The following ACMSD variants were observed in gnomAD, a reference collection of about 807,000 sequenced individuals.
ACMSD encodes the protein aminocarboxymuconate semialdehyde decarboxylase, also known as 2-amino-3-carboxymuconate-6-semialdehyde decarboxylase.
A neutral mutation model predicts 45.9 loss-of-function variants in ACMSD; 37 were observed. The observed-to-expected ratio is 0.81, with a 90% CI of 0.62 to 1.06. The LOEUF (loss-of-function observed/expected upper bound fraction) is 1.06, where lower values mean the gene tolerates loss of function less well. Among genes scored for constraint, ACMSD ranks in the 50% least tolerant of loss-of-function variants. ACMSD has a pLI of 0.00. For synonymous variants in ACMSD, 138 were observed against 148.8 expected, an observed-to-expected ratio of 0.93 and a Z score of 0.53; for missense variants, 434 against 420.9, an observed-to-expected ratio of 1.03 and a Z score of -0.27.
chr2:134,863,745 T>A, intron 5 of ACMSD, 114 bp downstream of exon 5: 1 of 1,043,020 alleles, frequency 9.6e-7, no homozygotes, highest in Non-Finnish European at 1.4e-6. Context: ...GGGAGAGCGG[T>A]GTCCACGACT....
intron 8 of ACMSD, among the ~76,000 whole-genome samples, chr2:134,897,195 C>T (rs936684070): frequency 6.6e-6 from 1 of 151,834 alleles, no homozygotes; most frequent in Non-Finnish European, 1.5e-5. Context: ...AGCCCTAGTC[C>T]TACTCCATGG....
At chr2:134,901,264 G>A (rs1408984855) in intron 9 of ACMSD, among the ~76,000 whole-genome samples, 2 of 152,104 alleles carry the variant, frequency 1.3e-5, no homozygotes, top group African/African-American at 4.8e-5. Flanking sequence ...TTTATAGCTG[G>A]GGAGTCCATT....
chr2:134,876,996 C>G (rs1688769578), intron 8 of ACMSD, among the ~76,000 whole-genome samples: 1 of 152,136 alleles, frequency 6.6e-6, no homozygotes, highest in Admixed American at 6.6e-5. Context: ...TGGTCTCAAA[C>G]TCCTGACTTC....
intron 2 of ACMSD, among the ~76,000 whole-genome samples, chr2:134,853,398 T>C (rs1420693279): frequency 3.3e-5 from 5 of 151,954 alleles, no homozygotes; most frequent in Non-Finnish European, 5.9e-5. Context: ...TGGATAGTAA[T>C]AGTTGCATGG....
At chr2:134,886,424 A>AT (rs1411048353) in intron 8 of ACMSD, among the ~76,000 whole-genome samples, 2 of 151,230 alleles carry the variant, frequency 1.3e-5, no homozygotes, top group Non-Finnish European at 2.9e-5. Flanking sequence ...AATTTTTTGT[A>AT]TTTTTAGTAG....
At chr2:134,870,570 G>A (rs145329670) in intron 6 of ACMSD, among the ~76,000 whole-genome samples, 124 of 152,270 alleles carry the variant, frequency 8.1e-4, no homozygotes, top group African/African-American at 2.8e-3. Flanking sequence ...CAACACAGAC[G>A]TCATCTTACA....
chr2:134,863,697 G>A, intron 5 of ACMSD, 66 bp downstream of exon 5: 1 of 1,541,632 alleles, frequency 6.5e-7, no homozygotes, highest in Non-Finnish European at 8.9e-7. Flanking sequence ...ACCGCTGGGT[G>A]CTGGCAGGGA....
At chr2:134,896,731 A>G (rs1255564038) in intron 8 of ACMSD, among the ~76,000 whole-genome samples, 1 of 152,212 alleles carries the variant, frequency 6.6e-6, no homozygotes, top group African/African-American at 2.4e-5. Flanking sequence ...CATGGTAGAA[A>G]ATAGTTTCTC....
intron 1 of ACMSD, among the ~76,000 whole-genome samples, chr2:134,841,404 C>T (rs1165588141): frequency 1.3e-5 from 2 of 151,954 alleles, no homozygotes; most frequent in African/African-American, 4.8e-5. Context: ...AATCAACACG[C>T]CTGAAGTGAT....
rs1213803670 is a variant in ACMSD at position 134,847,397 on chromosome 2, C to CAGATAGATAGATAGAT, written c.102+2158_102+2173dup. Among the ~76,000 whole-genome samples, 675 of 81,432 alleles carry CAGATAGATAGATAGAT rather than the reference C, an allele frequency of 8.3e-3. 4 individuals carry two copies. The highest frequency in any genetic ancestry group is 0.016 in the East Asian group (36 of 2,256). The allele number at this position is 81,432 out of a possible 152,430, so 53.4% of individuals were successfully genotyped here. A position where few individuals can be genotyped will look rare whatever the true frequency, so the allele number is the denominator to read the frequency against. On this transcript the variant is annotated intron_variant, in intron 2 of 9. Coordinates refer to ENST00000356140, the MANE Select transcript of ACMSD (RefSeq NM_138326.3). ...ACCACTAAAGAGTTTTTTGGGGATA[C>CAGATAGATAGATAGAT]AGATAGATAGATAGATAGATAGATA... is the stretch of plus-strand genomic sequence containing the variant.
Position 134,867,566 on chromosome 2 carries a change from T to A in ACMSD, c.487-13T>A. On this transcript the variant is annotated splice_polypyrimidine_tract_variant and intron_variant, in intron 5 of 9. Coordinates refer to ENST00000356140, the MANE Select transcript of ACMSD (RefSeq NM_138326.3). ...AAGTAACCCTCTCTCTCTCTCTCAT[T>A]GCTTCTTTGAAGGCAGCCGAAAGGC... 2 of 1,608,254 alleles carry A rather than the reference T, an allele frequency of 1.2e-6. No homozygotes were observed. Among genetic ancestry groups the A allele is most frequent in the Non-Finnish European group, 1.7e-6 (2 of 1,174,864 alleles).
In ACMSD at chr2:134,855,149, G is replaced by C. The variant is rs112237628; in HGVS notation, c.103-4112G>C. On this transcript the variant is annotated intron_variant, in intron 2 of 9. Transcript: ENST00000356140. ...TTATCAGTCAGGACTCTTGGTTGCA[G>C]GCAACAGAAACCAACAATCATTAGT... 9.5e-3 allele frequency among the ~76,000 whole-genome samples: 1,452 copies of C among 152,152 alleles called. 17 individuals are homozygous for C. The highest frequency in any genetic ancestry group is 0.027 in the Middle Eastern group (8 of 294).
chr2:134,852,298 C>G (rs1249059901), intron 2 of ACMSD, among the ~76,000 whole-genome samples: 1 of 152,194 alleles, frequency 6.6e-6, no homozygotes, highest in African/African-American at 2.4e-5. Context: ...TTACTCTGAC[C>G]ACTTTGTGGA....
chr2:134,895,182 TGTAATCCCA>T (rs1308207211), intron 8 of ACMSD, among the ~76,000 whole-genome samples: 1 of 151,764 alleles, frequency 6.6e-6, no homozygotes, highest in Non-Finnish European at 1.5e-5. Flanking sequence ...GGCATGCACC[TGTAATCCCA>T]GCTACTAGGG....
chr2:134,850,973 A>C (rs115628918), intron 2 of ACMSD, among the ~76,000 whole-genome samples: 1,954 of 152,240 alleles, frequency 0.013, 39 homozygotes, highest in African/African-American at 0.044. Flanking sequence ...GGTAGTCCCC[A>C]GTGTCTACTG....
chr2:134,898,364 T>C lies in ACMSD; in HGVS notation c.873T>C (p.Asp291=), dbSNP rs368111388. Residue 291 remains aspartate (D), a synonymous_variant, in exon 9 of 10, where the codon GAT becomes GAC. Transcript: ENST00000356140. ...AGGATAAAGTCATTTTGGGAACCGA[T>C]TACCCCTTTCCACTAGGTGAGCTGG... ...IGKDKVILGT[D]YPFPLGELEP... The C allele has an allele frequency of 1.9e-6, 3 of 1,596,732 alleles. No individual in the cohort carries two copies. Among genetic ancestry groups the C allele is most frequent in the Non-Finnish European group, 2.6e-6 (3 of 1,173,138 alleles).
Position 134,898,326 on chromosome 2 carries a change from T to C in ACMSD, c.850-15T>C. 6.5e-7 allele frequency: 1 copy of C among 1,536,356 alleles called. No homozygotes were observed. On this transcript the variant is annotated splice_polypyrimidine_tract_variant and intron_variant, in intron 8 of 9. Transcript: ENST00000356140. ...TTTTACAAAACAACAGAGAAATATA[T>C]ATTTTGTTTTTTAGGATAAAGTCAT...
chr2:134,883,143 C>T (rs1018674785), intron 8 of ACMSD, among the ~76,000 whole-genome samples: 5 of 152,102 alleles, frequency 3.3e-5, no homozygotes, highest in African/African-American at 1.2e-4. Context: ...GGGTTTAATA[C>T]AGTCTTTAGA....
intron 8 of ACMSD, among the ~76,000 whole-genome samples, chr2:134,893,363 T>C (rs1051607336): frequency 2.0e-5 from 3 of 152,034 alleles, no homozygotes; most frequent in African/African-American, 7.2e-5. Flanking sequence ...CACACCAAGC[T>C]AATTTGTTTT....
Sources: gnomAD v4.1 joint callset for allele counts (sites outside exome capture counted in the v4.1 genomes callset) on GRCh38, gnomAD v4.1.1 for gene constraint, MANE v1.5 for transcripts, NCBI Gene and HGNC (gene_info 2026-07-23, HGNC 2026-07-21) for gene names.